The following ADGRL1 variants were observed in gnomAD, a reference collection of about 807,000 sequenced individuals.
ADGRL1 encodes the protein adhesion G protein-coupled receptor L1.
ADGRL1 carries 31 observed loss-of-function variants against 148.9 expected under a neutral mutation model. The ratio of observed to expected loss-of-function variants is 0.21; its 90% CI spans 0.16 to 0.28. ADGRL1 has a LOEUF of 0.28. Ranked by LOEUF, ADGRL1 falls within the 10% of genes least tolerant of loss-of-function variation. ADGRL1 has a pLI of 1.00. For synonymous variants in ADGRL1, 937 were observed against 900.3 expected, an observed-to-expected ratio of 1.04 and a Z score of -0.73; for missense variants, 1,521 against 2,058.8, an observed-to-expected ratio of 0.74 and a Z score of 5.05.
intron 2 of ADGRL1, among the ~76,000 whole-genome samples, chr19:14,182,959 T>C (rs1971302336): frequency 6.6e-6 from 1 of 151,842 alleles, no homozygotes; most frequent in Non-Finnish European, 1.5e-5. Flanking sequence ...ACTGGCCTCT[T>C]CTCTTGGCCT....
In ADGRL1 at chr19:14,203,913, G is replaced by T. The variant is rs564402176; in HGVS notation, c.-96+2072C>A. Among the ~76,000 whole-genome samples the T allele has an allele frequency of 5.3e-5, 8 of 152,288 alleles. No individual in the cohort carries two copies. In the East Asian group the frequency reaches 9.7e-4, roughly 18 times the overall value. On this transcript the variant is annotated intron_variant, in intron 1 of 22. Coordinates refer to ENST00000361434, the MANE Select transcript of ADGRL1 (RefSeq NM_014921.5). ...CCCAGAGCAGATGCCACACACACAT[G>T]GGGTGGACCGAGCGGGGCCATGAGG...
intron 1 of ADGRL1, among the ~76,000 whole-genome samples, chr19:14,195,198 G>A (rs968275866): frequency 1.3e-5 from 2 of 152,022 alleles, no homozygotes; most frequent in African/African-American, 2.4e-5. Context: ...AGCCATAGGC[G>A]ACCCTATCTC....
intron 1 of ADGRL1, among the ~76,000 whole-genome samples, chr19:14,203,132 T>A (rs1972724919): frequency 6.6e-6 from 1 of 152,010 alleles, no homozygotes; most frequent in East Asian, 1.9e-4. Context: ...CCACGGCACC[T>A]TCAGGGTCAC....
At chr19:14,171,733 G>A (rs1970488067) in intron 3 of ADGRL1, among the ~76,000 whole-genome samples, 1 of 152,162 alleles carries the variant, frequency 6.6e-6, no homozygotes, top group African/African-American at 2.4e-5. Context: ...GCATCCCCAG[G>A]GGAAAGCCAT....
At chr19:14,180,339 T>G (rs1296202904) in intron 2 of ADGRL1, among the ~76,000 whole-genome samples, 1 of 152,142 alleles carries the variant, frequency 6.6e-6, no homozygotes, top group Admixed American at 6.5e-5. Context: ...CACTGCAACC[T>G]CTGCCTCCCA....
At chr19:14,171,044 T>C (rs1970429505) in intron 3 of ADGRL1, 4 of 433,124 alleles carry the variant, frequency 9.2e-6, no homozygotes, top group Non-Finnish European at 1.7e-5. Context: ...GAATGGTTTA[T>C]CACCATCCCC....
chr19:14,199,391 G>A (rs1255160903), intron 1 of ADGRL1, among the ~76,000 whole-genome samples: 1 of 151,940 alleles, frequency 6.6e-6, no homozygotes, highest in Non-Finnish European at 1.5e-5. Context: ...CAGGAAAAGT[G>A]GCTATGAGTG....
chr19:14,202,336 T>A (rs1380419978), intron 1 of ADGRL1, among the ~76,000 whole-genome samples: 1 of 151,774 alleles, frequency 6.6e-6, no homozygotes, highest in East Asian at 1.9e-4. Flanking sequence ...CGCTGCAACC[T>A]CCGCCTCCTG....
chr19:14,186,053 C>A (rs1421938433), intron 1 of ADGRL1, among the ~76,000 whole-genome samples: 1 of 152,118 alleles, frequency 6.6e-6, no homozygotes, highest in African/African-American at 2.4e-5. Context: ...GTATCCCCAA[C>A]TTTTATTTAC....
intron 3 of ADGRL1, among the ~76,000 whole-genome samples, chr19:14,174,521 C>G (rs1448469943): frequency 6.6e-6 from 1 of 151,568 alleles, no homozygotes; most frequent in African/African-American, 2.4e-5. Flanking sequence ...CCCGCTCCTC[C>G]CCTGGTAACA....
chr19:14,168,425 C>G (rs1304739048), intron 4 of ADGRL1, among the ~76,000 whole-genome samples: 1 of 152,134 alleles, frequency 6.6e-6, no homozygotes, highest in Non-Finnish European at 1.5e-5. Context: ...TGTGTGCACA[C>G]ATGTCTGCGC....
intron 1 of ADGRL1, among the ~76,000 whole-genome samples, chr19:14,202,629 C>T (rs1208492777): frequency 3.3e-5 from 5 of 152,054 alleles, no homozygotes; most frequent in African/African-American, 1.2e-4. Flanking sequence ...TGGCCACCAC[C>T]CCCCATGGCG....
chr19:14,197,380 C>T (rs1972326196), intron 1 of ADGRL1, among the ~76,000 whole-genome samples: 1 of 152,024 alleles, frequency 6.6e-6, no homozygotes, highest in Admixed American at 6.6e-5. Context: ...CCTTCTCCCT[C>T]ATCTCCCCAT....
chr19:14,188,254 C>T (rs113339030), intron 1 of ADGRL1, among the ~76,000 whole-genome samples: 2,670 of 152,178 alleles, frequency 0.018, 35 homozygotes, highest in Middle Eastern at 0.031. Context: ...GTTCCCTCTG[C>T]GCTGCTATTC....
intron 18 of ADGRL1, among the ~76,000 whole-genome samples, chr19:14,154,858 C>T (rs904445902): frequency 1.3e-5 from 2 of 152,100 alleles, no homozygotes; most frequent in Non-Finnish European, 2.9e-5. Context: ...CTCAGGTGAT[C>T]CGCCCGCCTC....
In ADGRL1 at chr19:14,157,035, C is replaced by T; in HGVS notation, c.2856G>A (p.Glu952=). The change falls in exon 15 of 23, where the codon GAG becomes GAA. Residue 952 remains glutamate, a synonymous_variant. Coordinates refer to ENST00000361434, the MANE Select transcript of ADGRL1 (RefSeq NM_014921.5). This position sits in a 1 kb window ranked among gnomAD's most constrained non-coding sequence, Gnocchi z 7.5. ...AGTACTTGGTGCGGGAATACTCGCT[C>T]TCAAACACCTCCACTAGTAGCAGGT... ...HLYLLLVEVF[E]SEYSRTKYYY... The T allele has an allele frequency of 1.9e-6, 3 of 1,614,032 alleles. No individual in the cohort carries two copies. Among genetic ancestry groups the T allele is most frequent in the South Asian group, 1.1e-5 (1 of 91,080 alleles).
chr19:14,181,575 C>G (rs1465389125), intron 2 of ADGRL1, among the ~76,000 whole-genome samples: 2 of 152,018 alleles, frequency 1.3e-5, no homozygotes, highest in Admixed American at 1.3e-4. Context: ...AAAAAATTAG[C>G]CGGGCATGGT....
chr19:14,188,778 T>G (rs1391778003), intron 1 of ADGRL1, among the ~76,000 whole-genome samples: 3 of 152,176 alleles, frequency 2.0e-5, no homozygotes. Context: ...CCACCTCCTT[T>G]TTTTTCTTTT....
intron 2 of ADGRL1, among the ~76,000 whole-genome samples, chr19:14,179,769 G>A (rs1971065442): frequency 6.6e-6 from 1 of 151,932 alleles, no homozygotes; most frequent in Non-Finnish European, 1.5e-5. Flanking sequence ...AAATTAGCCG[G>A]GTGTGGTGGC....
Sources: allele counts gnomAD v4.1 joint callset (sites outside exome capture counted in the v4.1 genomes callset), GRCh38; gene constraint gnomAD v4.1.1; non-coding constraint Gnocchi (gnomAD v3.1); transcripts MANE v1.5; gene names NCBI Gene and HGNC (gene_info 2026-07-23, HGNC 2026-07-21).